The following DPP6 variants were observed in gnomAD, a reference collection of about 807,000 sequenced individuals.
DPP6 encodes the protein A-type potassium channel modulatory protein DPP6.
A neutral mutation model predicts 122.6 loss-of-function variants in DPP6; 69 were observed. The observed-to-expected ratio is 0.56, with a 90% CI of 0.46 to 0.69. The LOEUF is 0.69. Ranked by LOEUF, DPP6 falls within the 30% of genes least tolerant of loss-of-function variation. The pLI, the probability that DPP6 is intolerant of heterozygous loss-of-function variation, is 0.00. For synonymous variants in DPP6, 418 were observed against 433.1 expected (o/e 0.97, Z 0.43); for missense variants, 928 against 1,116.9 (o/e 0.83, Z 2.41).
chr7:154,474,179 T>C (rs995395480), intron 2 of DPP6, among the ~76,000 whole-genome samples: 7 of 152,186 alleles, frequency 4.6e-5, no homozygotes, highest in Admixed American at 6.5e-5. Context: ...GTGCCTCTAA[T>C]GGAGAGAGCC....
At chr7:154,226,639 A>AT (rs1193678400) in intron 1 of DPP6, among the ~76,000 whole-genome samples, 1 of 152,148 alleles carries the variant, frequency 6.6e-6, no homozygotes. Flanking sequence ...CCTATTACCA[A>AT]TTTTTTCAGG....
the DPP6 span, among the ~76,000 whole-genome samples, chr7:153,772,789 C>T: frequency 3.5e-3 from 515 of 148,346 alleles, 5 homozygotes; most frequent in African/African-American, 0.012. Context: ...CACAAAGAAG[C>T]TGGAGTAGTT....
chr7:153,893,624 C>T (rs1015972490), intron 1 of DPP6, among the ~76,000 whole-genome samples: 1 of 152,166 alleles, frequency 6.6e-6, no homozygotes, highest in Admixed American at 6.5e-5. Context: ...CAAATGGAAA[C>T]TTAGGCTCAG....
At chr7:154,802,276 G>A (rs1798417105) in intron 13 of DPP6, among the ~76,000 whole-genome samples, 2 of 152,064 alleles carry the variant, frequency 1.3e-5, no homozygotes, top group African/African-American at 4.8e-5. Context: ...TTTATGATGA[G>A]GCCTCAAAGG....
chr7:154,853,742 T>C, intron 16 of DPP6, 38 bp from the exon 17 acceptor site: 1 of 1,605,342 alleles, frequency 6.2e-7, no homozygotes, highest in East Asian at 2.2e-5. Flanking sequence ...AATGGCTTCG[T>C]TTTTGTTTTC....
intron 5 of DPP6, among the ~76,000 whole-genome samples, chr7:154,575,353 G>A (rs1229441517): frequency 1.6e-5 from 1 of 62,122 alleles, no homozygotes; most frequent in Non-Finnish European, 3.2e-5. Flanking sequence ...ATGTGTGTGT[G>A]GTGTGTGTGT....
intron 1 of DPP6, among the ~76,000 whole-genome samples, chr7:154,208,303 A>G (rs576512726): frequency 6.6e-6 from 1 of 152,336 alleles, no homozygotes; most frequent in South Asian, 2.1e-4. Context: ...AGTTGGCTAG[A>G]GACAAGGAAG....
chr7:154,158,482 T>C (rs1325213796), intron 1 of DPP6, among the ~76,000 whole-genome samples: 3 of 150,962 alleles, frequency 2.0e-5, no homozygotes. Flanking sequence ...AAAAAAAATC[T>C]CCTAAATTTC....
At chr7:154,502,535 G>A (rs1352576281) in intron 3 of DPP6, among the ~76,000 whole-genome samples, 2 of 152,118 alleles carry the variant, frequency 1.3e-5, no homozygotes, top group African/African-American at 2.4e-5. Context: ...GAGTTTCCCT[G>A]CACCAGCTCT....
rs76449965 is a variant in DPP6, at chr7:154,312,093, G to A, written c.244-134121G>A. ...GTGAGGTCACAGCGGGGACAGTCTT[G>A]GCACCCCTTAAATCATCGACAGGCT... is the stretch of plus-strand genomic sequence containing the variant. On this transcript the variant is annotated intron_variant, in intron 1 of 25. Transcript: ENST00000377770. Among the ~76,000 whole-genome samples the A allele has an allele frequency of 6.1e-3, 933 of 152,282 alleles. 14 individuals are homozygous for A. Among genetic ancestry groups the A allele is most frequent in the African/African-American group, 0.021 (873 of 41,546 alleles).
At chr7:154,487,519 C>T (rs1325838762) in intron 3 of DPP6, among the ~76,000 whole-genome samples, 1 of 152,174 alleles carries the variant, frequency 6.6e-6, no homozygotes, top group Non-Finnish European at 1.5e-5. Flanking sequence ...GCCCACAGAC[C>T]AGGATGCAGG....
At chr7:154,056,882 C>G (rs1291387909) in intron 1 of DPP6, among the ~76,000 whole-genome samples, 1 of 152,184 alleles carries the variant, frequency 6.6e-6, no homozygotes, top group Non-Finnish European at 1.5e-5. Flanking sequence ...TCTGTTTCAA[C>G]TGTAATTTAA....
chr7:154,388,070 G>C (rs186491867), intron 1 of DPP6, among the ~76,000 whole-genome samples: 2 of 152,234 alleles, frequency 1.3e-5, no homozygotes, highest in African/African-American at 4.8e-5. Context: ...GGAAGACCAA[G>C]GGGGGAGTTT....
rs138797378 is a variant in DPP6 at position 154,103,380 on chromosome 7, A to G, written c.243+50317A>G. On this transcript the variant is annotated intron_variant, in intron 1 of 25. Transcript: ENST00000377770. Reference sequence around the variant, plus strand: ...TTTAGATGTTGGTGGACCTCTAAGCAAGGGCCTCATTGAGTATAGGAGGGG... The same window carrying G: ...TTTAGATGTTGGTGGACCTCTAAGCGAGGGCCTCATTGAGTATAGGAGGGG... 7.7e-3 allele frequency among the ~76,000 whole-genome samples: 1,168 copies of G among 152,322 alleles called. 24 individuals are homozygous for G. Among genetic ancestry groups the G allele is most frequent in the African/African-American group, 0.027 (1,105 of 41,562 alleles).
chr7:154,429,360 AC>A (rs1467623540), intron 1 of DPP6, among the ~76,000 whole-genome samples: 1 of 152,008 alleles, frequency 6.6e-6, no homozygotes, highest in Non-Finnish European at 1.5e-5. Context: ...CTACAACCCA[AC>A]CCACGTCTGC....
chr7:153,893,516 A>G (rs1799291283), intron 1 of DPP6, among the ~76,000 whole-genome samples: 1 of 152,252 alleles, frequency 6.6e-6, no homozygotes, highest in African/African-American at 2.4e-5. Flanking sequence ...AGAAAGGCTC[A>G]TGGTTTTAGT....
At chr7:154,674,723 G>T (rs1390419266) in intron 7 of DPP6, among the ~76,000 whole-genome samples, 1 of 152,202 alleles carries the variant, frequency 6.6e-6, no homozygotes, top group African/African-American at 2.4e-5. Context: ...TGTGACAGAT[G>T]AAGAGCAGTG....
rs73483831 is a variant in DPP6, at chr7:154,540,507, T to C, written c.458-25T>C. On this transcript the variant is annotated intron_variant, in intron 3 of 25. Transcript: ENST00000377770. ...GAGAGTTCCTTGATGTTTCATGTGG[T>C]TTTTTTCTACTTCCTCTCTTACAGA... The C allele has an allele frequency of 3.4e-3, 5,058 of 1,469,034 alleles. 158 individuals carry two copies. The African/African-American group carries it at 0.062, about 18-fold the overall frequency. The allele number at this position is 1,469,034 out of a possible 1,614,324, so 91.0% of individuals were successfully genotyped here. A position where few individuals can be genotyped will look rare whatever the true frequency, so the allele number is the denominator to read the frequency against.
chr7:154,593,731 C>A (rs1056718903), intron 5 of DPP6, among the ~76,000 whole-genome samples: 1 of 152,180 alleles, frequency 6.6e-6, no homozygotes, highest in Admixed American at 6.5e-5. Flanking sequence ...GAACCTGAGC[C>A]CTTTCCACAC....
Sources: allele counts gnomAD v4.1 joint callset (sites outside exome capture counted in the v4.1 genomes callset), GRCh38; gene constraint gnomAD v4.1.1; transcripts MANE v1.5; gene names NCBI Gene and HGNC (gene_info 2026-07-23, HGNC 2026-07-21).